Variants in LDAH observed in about 807,000 individuals in gnomAD.
The protein encoded by LDAH is lipid droplet associated hydrolase, also known as lipid droplet-associated hydrolase.
LDAH carries 26 observed loss-of-function variants against 29.6 expected under a neutral mutation model. That is an observed-to-expected ratio of 0.88 (90% CI 0.64 to 1.22). LDAH has a LOEUF of 1.22. Ranked by LOEUF, LDAH falls within the 50% of genes most tolerant of loss-of-function variation. The pLI is 0.00. For synonymous variants in LDAH, 117 were observed against 133.0 expected, an observed-to-expected ratio of 0.88 and a Z score of 0.83; for missense variants, 344 against 387.3, an observed-to-expected ratio of 0.89 and a Z score of 0.94.
At chr2:20,756,596 T>C (rs1049614108) in intron 4 of LDAH, among the ~76,000 whole-genome samples, 1 of 152,108 alleles carries the variant, frequency 6.6e-6, no homozygotes, top group Non-Finnish European at 1.5e-5. Context: ...ACTATTTGCA[T>C]AGATGCCAAA....
intron 4 of LDAH, among the ~76,000 whole-genome samples, chr2:20,741,300 G>A (rs185027523): frequency 2.0e-5 from 3 of 152,010 alleles, no homozygotes; most frequent in East Asian, 1.9e-4. Flanking sequence ...TTTCTTTCAG[G>A]GACTGTACCT....
Position 20,821,932 on chromosome 2 carries a change from T to G in LDAH, c.-3+1105A>C, listed in dbSNP as rs1179800756. Among the ~76,000 whole-genome samples, 8 of 152,320 alleles carry G rather than the reference T, an allele frequency of 5.3e-5. No homozygotes were observed. In the East Asian group the frequency reaches 1.4e-3, roughly 26 times the overall value. On this transcript the variant is annotated intron_variant, in intron 1 of 6. Transcript: ENST00000237822. ...GGAAAGAGGGGCCTTAGCAGGTTTCTAAGTCTTTAACCTTCAGGTGGAAAA... is the reference window on the plus strand; with the variant it reads ...GGAAAGAGGGGCCTTAGCAGGTTTCGAAGTCTTTAACCTTCAGGTGGAAAA...
chr2:20,735,449 A>G (rs1198016462), intron 5 of LDAH, among the ~76,000 whole-genome samples: 1 of 149,682 alleles, frequency 6.7e-6, no homozygotes, highest in East Asian at 2.0e-4. Flanking sequence ...ATTTCCACTC[A>G]GTTTTTTTTT....
chr2:20,797,578 A>C (rs1671385731), intron 2 of LDAH, among the ~76,000 whole-genome samples: 1 of 152,118 alleles, frequency 6.6e-6, no homozygotes, highest in African/African-American at 2.4e-5. Context: ...TCTCAGTCCT[A>C]GGCAAGCTAG....
intron 4 of LDAH, among the ~76,000 whole-genome samples, chr2:20,753,829 G>A (rs1340112069): frequency 6.6e-6 from 1 of 152,190 alleles, no homozygotes; most frequent in East Asian, 1.9e-4. Flanking sequence ...TAAAATTGCA[G>A]TTACAACAGG....
At chr2:20,743,558 T>A (rs181912371) in intron 4 of LDAH, among the ~76,000 whole-genome samples, 1 of 152,166 alleles carries the variant, frequency 6.6e-6, no homozygotes, top group South Asian at 2.1e-4. Context: ...CATATAAACA[T>A]ACAAAATCGA....
chr2:20,739,890 T>C (rs1465698938), intron 5 of LDAH, 81 bp downstream of exon 5: 14 of 987,906 alleles, frequency 1.4e-5, no homozygotes, highest in Non-Finnish European at 2.1e-5. Flanking sequence ...GCTTGCTTGA[T>C]ATTTGTCCAC....
rs1260877950 is a variant in LDAH, at chr2:20,716,691, C to T, written c.704-15039G>A. ...TGTATACCTATGTAACAAACCTGCA[C>T]GTTGTGTAGATGTACCCTAGAACTT... On this transcript the variant is annotated intron_variant, in intron 5 of 6. Transcript: ENST00000237822. Among the ~76,000 whole-genome samples, 3 of 142,912 alleles carry T rather than the reference C, an allele frequency of 2.1e-5. 1 individual carries two copies. Among genetic ancestry groups the T allele is most frequent in the Non-Finnish European group, 4.6e-5 (3 of 64,836 alleles). 93.8% of individuals were successfully genotyped at this position (142,912 alleles called of 152,430 possible). A position where few individuals can be genotyped will look rare whatever the true frequency, so the allele number is the denominator to read the frequency against.
intron 5 of LDAH, among the ~76,000 whole-genome samples, chr2:20,711,376 G>A (rs1268238811): frequency 6.7e-6 from 1 of 149,382 alleles, no homozygotes; most frequent in Non-Finnish European, 1.5e-5. Context: ...CAGAGCGAGA[G>A]TCCGTATCAA....
intron 4 of LDAH, among the ~76,000 whole-genome samples, chr2:20,758,267 A>G (rs1668464741): frequency 6.6e-6 from 1 of 152,246 alleles, no homozygotes; most frequent in Admixed American, 6.5e-5. Context: ...AAAGGAGAAT[A>G]AAGTCAGATA....
intron 1 of LDAH, among the ~76,000 whole-genome samples, chr2:20,801,950 G>GTGTGTA (rs1408039080): frequency 1.4e-4 from 21 of 148,418 alleles, no homozygotes; most frequent in African/African-American, 5.2e-4. Context: ...GTGTGTGTGT[G>GTGTGTA]TGTGTGTATG....
At position 20,685,063 on chromosome 2, in the gene LDAH, G is replaced by A; in HGVS notation, c.*1840C>T. Reference sequence around the variant, plus strand: ...AGGCCAGACCAGGTCAGAAATGCTGGTAAAACATTTATTTCAAAAATTCAT... The same window carrying A: ...AGGCCAGACCAGGTCAGAAATGCTGATAAAACATTTATTTCAAAAATTCAT... On this transcript the variant is annotated 3_prime_UTR_variant, in exon 7 of 7. Coordinates refer to ENST00000237822, the MANE Select transcript of LDAH (RefSeq NM_021925.4). The A allele has an allele frequency of 2.0e-6, 2 of 1,025,262 alleles. No homozygotes were observed. 63.5% of individuals were successfully genotyped at this position (1,025,262 alleles called of 1,614,324 possible).
In LDAH at chr2:20,779,527, T is replaced by C. The variant is rs16988055; in HGVS notation, c.299-4548A>G. Reference sequence around the variant, plus strand: ...AATTTCTTTCAAATACACAAAAAAATAATATGTTGTTCACCATGCTATACA... The same window carrying C: ...AATTTCTTTCAAATACACAAAAAAACAATATGTTGTTCACCATGCTATACA... On this transcript the variant is annotated intron_variant, in intron 3 of 6. Transcript: ENST00000237822. Among the ~76,000 whole-genome samples, 3 of 151,056 alleles carry C rather than the reference T, an allele frequency of 2.0e-5. No individual in the cohort carries two copies. The South Asian group carries it at 6.2e-4, about 31-fold the overall frequency.
intron 4 of LDAH, among the ~76,000 whole-genome samples, chr2:20,759,831 T>G (rs1320905656): frequency 6.6e-6 from 1 of 152,166 alleles, no homozygotes; most frequent in Non-Finnish European, 1.5e-5. Context: ...TTTTCAGACC[T>G]ATATCCACAC....
At chr2:20,818,736 G>C (rs1673035640) in intron 1 of LDAH, among the ~76,000 whole-genome samples, 1 of 152,004 alleles carries the variant, frequency 6.6e-6, no homozygotes, top group African/African-American at 2.4e-5. Flanking sequence ...ACAGTCTTCT[G>C]ATACCTATTC....
At position 20,774,818 on chromosome 2, in the gene LDAH, C is replaced by G. The variant is rs771376644; in HGVS notation, c.460G>C (p.Glu154Gln). 6.2e-7 allele frequency: 1 copy of G among 1,612,830 alleles called. No homozygotes were observed. The highest frequency in any genetic ancestry group is 1.1e-5 in the South Asian group (1 of 91,010). ...FTLQMLKRVP[E>Q]LPVIRAFLLF... is the part of the protein sequence containing the mutation. ...TCTGGAGACCTACTTACCGGGAGCT[C>G]AGGGACTCGCTTCAGCATCTGAAGT... The change falls in exon 4 of 7, where the codon GAG becomes CAG. Residue 154 changes from glutamate to glutamine, a missense_variant. Coordinates refer to ENST00000237822, the MANE Select transcript of LDAH (RefSeq NM_021925.4).
intron 4 of LDAH, among the ~76,000 whole-genome samples, chr2:20,743,882 CTTTT>C (rs896996951): frequency 1.3e-5 from 2 of 149,598 alleles, no homozygotes; most frequent in Admixed American, 1.3e-4. Context: ...AGTCCTTATT[CTTTT>C]TTTTTCTTTT....
At chr2:20,713,009 C>A (rs1418233033) in intron 5 of LDAH, among the ~76,000 whole-genome samples, 1 of 152,104 alleles carries the variant, frequency 6.6e-6, no homozygotes, top group East Asian at 1.9e-4. Context: ...GCAAGGCAGG[C>A]CAACATTCAA....
chr2:20,734,415 A>G (rs953896363), intron 5 of LDAH, among the ~76,000 whole-genome samples: 1 of 152,098 alleles, frequency 6.6e-6, no homozygotes, highest in Non-Finnish European at 1.5e-5. Flanking sequence ...ATCTTCATCT[A>G]TCCATGGTGA....
Sources: allele counts gnomAD v4.1 joint callset (sites outside exome capture counted in the v4.1 genomes callset), GRCh38; gene constraint gnomAD v4.1.1; transcripts MANE v1.5; gene names NCBI Gene and HGNC (gene_info 2026-07-23, HGNC 2026-07-21).